Variants in CCT6A observed in about 807,000 individuals in gnomAD.
CCT6A encodes T-complex protein 1 subunit zeta.
CCT6A carries 6 observed loss-of-function variants against 58.6 expected under a neutral mutation model. The observed-to-expected ratio is 0.10, with a 90% confidence interval of 0.06 to 0.20. The LOEUF is 0.20. Ranked by LOEUF, CCT6A falls within the 10% of genes least tolerant of loss-of-function variation. CCT6A has a pLI of 1.00. For synonymous variants in CCT6A, 245 were observed against 227.8 expected (o/e 1.08, Z -0.68); for missense variants, 516 against 648.8 (o/e 0.80, Z 2.22).
intron 2 of CCT6A, among the ~76,000 whole-genome samples, chr7:56,054,039 C>T (rs999278464): frequency 1.3e-5 from 2 of 148,510 alleles, no homozygotes; most frequent in Admixed American, 6.7e-5. Context: ...CTTATTCTCA[C>T]TAGAGCTCTA....
At chr7:56,053,064 G>A (rs1350827245) in intron 2 of CCT6A, among the ~76,000 whole-genome samples, 1 of 152,198 alleles carries the variant, frequency 6.6e-6, no homozygotes, top group Non-Finnish European at 1.5e-5. Flanking sequence ...AAAGTGCTGG[G>A]ATTACCAGGC....
At position 56,058,629 on chromosome 7, in the gene CCT6A, C is replaced by T. The variant is rs776870715; in HGVS notation, c.895C>T (p.Pro299Ser). Residue 299 changes from proline to serine, a missense_variant, in exon 8 of 14, where the codon CCC (proline) becomes TCC (serine). Coordinates refer to ENST00000275603, the MANE Select transcript of CCT6A (RefSeq NM_001762.4). The stretch of plus-strand genomic sequence containing the variant: ...TTTATTTTTGTTACAGGGAATTGAC[C>T]CCTTTTCCTTAGATGCTCTTTCAAA... ...FVVINQKGID[P>S]FSLDALSKEG... is the part of the protein sequence containing the mutation. 1.9e-6 allele frequency: 3 copies of T among 1,604,878 alleles called. No individual in the cohort carries two copies. The highest frequency in any genetic ancestry group is 2.6e-6 in the Non-Finnish European group (3 of 1,172,634).
chr7:56,062,931 T>C, intron 13 of CCT6A, 82 bp from the exon 14 acceptor site: 1 of 1,201,368 alleles, frequency 8.3e-7, no homozygotes, highest in South Asian at 1.2e-5. Flanking sequence ...ATGTAATGTG[T>C]GCAGCTTGGT....
intron 8 of CCT6A, 66 bp downstream of exon 8, chr7:56,058,768 C>A: frequency 1.9e-6 from 2 of 1,046,232 alleles, no homozygotes; most frequent in Non-Finnish European, 2.9e-6. Flanking sequence ...TTTCCTTATA[C>A]TTTATTTTTG....
intron 9 of CCT6A, chr7:56,060,015 G>C (rs1419699539): frequency 4.0e-6 from 2 of 505,260 alleles, no homozygotes; most frequent in Non-Finnish European, 7.1e-6. Flanking sequence ...GAAGTCTTTA[G>C]CAGAAAAATT....
chr7:56,052,955 A>G (rs929522595), intron 2 of CCT6A, among the ~76,000 whole-genome samples: 1 of 151,864 alleles, frequency 6.6e-6, no homozygotes, highest in Non-Finnish European at 1.5e-5. Context: ...CACTACGCCC[A>G]GTTGATTTTT....
Position 56,059,545 on chromosome 7 carries a change from C to T in CCT6A, c.970C>T (p.Leu324=), listed in dbSNP as rs1300473929. The part of the protein sequence containing the change: ...RRAKRRNMER[L]TLACGGVALN... Reference sequence around the variant, plus strand: ...ATCTCCCTTAAAATGCTATTTCAGGCTGACTCTTGCTTGTGGTGGGGTAGC... The same window carrying T: ...ATCTCCCTTAAAATGCTATTTCAGGTTGACTCTTGCTTGTGGTGGGGTAGC... Residue 324 remains leucine (L), a splice_region_variant and synonymous_variant, in exon 9 of 14, where the codon CTG becomes TTG. Coordinates refer to ENST00000275603, the MANE Select transcript of CCT6A (RefSeq NM_001762.4). 6.3e-7 allele frequency: 1 copy of T among 1,579,944 alleles called. No individual in the cohort carries two copies. Among genetic ancestry groups the T allele is most frequent in the Non-Finnish European group, 8.7e-7 (1 of 1,149,124 alleles).
intron 11 of CCT6A, among the ~76,000 whole-genome samples, chr7:56,061,469 G>A (rs1395131728): frequency 2.1e-5 from 3 of 145,772 alleles, no homozygotes; most frequent in Non-Finnish European, 3.0e-5. Flanking sequence ...TCAGCCTCTC[G>A]AGTAGCTGGG....
Position 56,062,675 on chromosome 7 carries a change from C to A in CCT6A, c.1451-8C>A. On this transcript the variant is annotated splice_polypyrimidine_tract_variant and splice_region_variant and intron_variant, in intron 12 of 13. Transcript: ENST00000275603. ...CTGAACTTATTTTAAGATTTGGTTG[C>A]CTTTTAGGTGAGCCAATGGTGGCAG... 6.2e-7 allele frequency: 1 copy of A among 1,612,848 alleles called. No individual in the cohort carries two copies. The highest frequency in any genetic ancestry group is 1.1e-5 in the South Asian group (1 of 91,062).
chr7:56,052,385 A>C (rs769618456), intron 1 of CCT6A, 37 bp from the exon 2 acceptor site: 1 of 1,592,342 alleles, frequency 6.3e-7, no homozygotes, highest in Non-Finnish European at 8.6e-7. Flanking sequence ...TATCGTTGAA[A>C]AAGTCATAGT....
Position 56,063,226 on chromosome 7 carries a change from TGAAATTTG to T in CCT6A, c.*145_*152del, listed in dbSNP as rs1794513538. 6.1e-6 allele frequency: 4 copies of T among 660,148 alleles called. No homozygotes were observed. Among genetic ancestry groups the T allele is most frequent in the Admixed American group, 2.7e-5 (1 of 37,630 alleles). 40.9% of individuals were successfully genotyped at this position (660,148 alleles called of 1,614,324 possible). ...AAAAGGAGAGAACACTGGCATCTGT[TGAAATTTG>T]GAAGTTCTGAAATTATAGTATTTTT... is the stretch of plus-strand genomic sequence containing the variant. On this transcript the variant is annotated 3_prime_UTR_variant, in exon 14 of 14. Transcript: ENST00000275603.
chr7:56,058,559 G>GT (rs770573861), intron 7 of CCT6A, 38 bp downstream of exon 7: 66 of 1,574,064 alleles, frequency 4.2e-5, no homozygotes, highest in Non-Finnish European at 5.5e-5. Context: ...TAAATAGTAC[G>GT]TATCATCCTT....
At chr7:56,056,169 T>C in intron 4 of CCT6A, 142 bp from the exon 5 acceptor site, 1 of 645,358 alleles carries the variant, frequency 1.5e-6, no homozygotes, top group Non-Finnish European at 2.8e-6. Context: ...CTTTTACATA[T>C]AATGTATTCT....
At position 56,052,555 on chromosome 7, in the gene CCT6A, T is replaced by C. The variant is rs563539033; in HGVS notation, c.201+70T>C. The C allele has an allele frequency of 4.8e-5, 62 of 1,289,696 alleles. 1 individual carries two copies. In the South Asian group the frequency reaches 7.2e-4, roughly 15 times the overall value. The allele number at this position is 1,289,696 out of a possible 1,614,324, so 79.9% of individuals were successfully genotyped here. ...TAGAATGTTTTCTTTGTAGAAAGAT[T>C]TGCAGTGTCCATTTTCAAGGTAGGA... On this transcript the variant is annotated intron_variant, in intron 2 of 13. Transcript: ENST00000275603.
Position 56,051,815 on chromosome 7 carries a change from C to T in CCT6A, c.-34C>T. On this transcript the variant is annotated 5_prime_UTR_variant, in exon 1 of 14. Transcript: ENST00000275603. ...CCACGCCGCGCCGGCTCTGGGCACTCAGCATCGTTTCCTTTTCCTCCGCTG... is the reference window on the plus strand; with the variant it reads ...CCACGCCGCGCCGGCTCTGGGCACTTAGCATCGTTTCCTTTTCCTCCGCTG... 5.8e-6 allele frequency: 9 copies of T among 1,546,848 alleles called. No homozygotes were observed. The highest frequency in any genetic ancestry group is 7.0e-6 in the Non-Finnish European group (8 of 1,146,016).
intron 2 of CCT6A, among the ~76,000 whole-genome samples, chr7:56,053,716 C>T (rs1025159116): frequency 7.2e-5 from 11 of 152,214 alleles, no homozygotes; most frequent in Non-Finnish European, 1.3e-4. Flanking sequence ...CAAGATTGTG[C>T]CACTGCATTC....
chr7:56,058,744 T>G, intron 8 of CCT6A, 42 bp downstream of exon 8: 9 of 1,179,372 alleles, frequency 7.6e-6, no homozygotes, highest in Non-Finnish European at 1.0e-5. Flanking sequence ...GCAAGTGAAT[T>G]GGGATTATTT....
intron 13 of CCT6A, 58 bp from the exon 14 acceptor site, chr7:56,062,955 T>C: frequency 1.4e-6 from 2 of 1,383,940 alleles, no homozygotes; most frequent in Non-Finnish European, 1.0e-6. Flanking sequence ...AAGTGGGAAG[T>C]TGAGTCGAAT....
intron 5 of CCT6A, among the ~76,000 whole-genome samples, chr7:56,057,124 T>A (rs1247326389): frequency 6.6e-6 from 1 of 152,122 alleles, no homozygotes; most frequent in African/African-American, 2.4e-5. Context: ...GTTATATATT[T>A]ACCTGAAGAT....
Sources: gnomAD v4.1 joint callset for allele counts (sites outside exome capture counted in the v4.1 genomes callset) on GRCh38, gnomAD v4.1.1 for gene constraint, MANE v1.5 for transcripts, NCBI Gene and HGNC (gene_info 2026-07-23, HGNC 2026-07-21) for gene names.